RUFY3: variants seen among roughly 807,000 people sequenced by gnomAD.
RUFY3 encodes the protein protein RUFY3.
Under a neutral mutation model 84.0 loss-of-function variants are expected in RUFY3, and 34 were observed. The observed-to-expected ratio is 0.40, with a 90% confidence interval of 0.31 to 0.54. The LOEUF (loss-of-function observed/expected upper bound fraction) is 0.54, where lower values mean the gene tolerates loss of function less well. Among genes scored for constraint, RUFY3 ranks in the 20% least tolerant of loss-of-function variants. The probability of loss-of-function intolerance (pLI) is 0.39; values close to 1 mark genes in which losing one functional copy is unlikely to be tolerated. For missense variants in RUFY3, 507 were observed against 736.8 expected (o/e 0.69, Z 3.61); for synonymous variants, 242 against 252.9 (o/e 0.96, Z 0.41).
Position 70,744,839 on chromosome 4 carries a change from G to A in RUFY3, c.179-17680G>A, listed in dbSNP as rs190715999. ...CTGGCTAATTTTTGCATTTTTAGTA[G>A]AGACAGGGTCTCACCATGTTGGCTA... On this transcript the variant is annotated intron_variant, in intron 1 of 17. Transcript: ENST00000381006. Among the ~76,000 whole-genome samples the A allele has an allele frequency of 7.3e-5, 11 of 151,558 alleles. 1 individual carries two copies. Among genetic ancestry groups the A allele is most frequent in the African/African-American group, 2.7e-4 (11 of 41,280 alleles).
chr4:70,744,491 G>A (rs1387208350), intron 1 of RUFY3, among the ~76,000 whole-genome samples: 4 of 151,866 alleles, frequency 2.6e-5, no homozygotes, highest in East Asian at 1.9e-4. Flanking sequence ...TTGAGCCACC[G>A]AACCCGGCTA....
At chr4:70,705,276 AGCGGCAGCG>A (rs1385357433) in exon 1 of RUFY3, 2 of 1,429,714 alleles carry the variant, frequency 1.4e-6, no homozygotes, top group Non-Finnish European at 1.8e-6. Flanking sequence ...CGGCGGCAGC[AGCGGCAGCG>A]GCAAGCACCG....
At chr4:70,775,315 A>G in intron 7 of RUFY3, 82 bp downstream of exon 7, 2 of 919,598 alleles carry the variant, frequency 2.2e-6, no homozygotes, top group Non-Finnish European at 3.4e-6. Context: ...AGTGAGGATA[A>G]ATTCAGACAG....
chr4:70,744,356 TTTTA>T (rs994119692), intron 1 of RUFY3, among the ~76,000 whole-genome samples: 1 of 134,888 alleles, frequency 7.4e-6, no homozygotes, highest in African/African-American at 3.5e-5. Context: ...CCTGGCTAAT[TTTTA>T]TGTATGTATG....
chr4:70,715,380 T>C (rs1207903134), intron 1 of RUFY3, among the ~76,000 whole-genome samples: 1 of 151,722 alleles, frequency 6.6e-6, no homozygotes, highest in East Asian at 2.0e-4. Context: ...GGTCAGGAGT[T>C]CAAGACCAGG....
intron 12 of RUFY3, chr4:70,791,662 T>A: frequency 9.7e-7 from 1 of 1,031,988 alleles, no homozygotes; most frequent in Non-Finnish European, 1.2e-6. Flanking sequence ...TAATACCAGA[T>A]TCTCGGTGCA....
intron 15 of RUFY3, 70 bp from the exon 16 acceptor site, chr4:70,802,886 T>A: frequency 8.9e-7 from 1 of 1,129,402 alleles, no homozygotes; most frequent in South Asian, 1.4e-5. Flanking sequence ...TCTGAGCTTT[T>A]TATTGAAATG....
At chr4:70,773,003 T>G (rs1277700626) in intron 5 of RUFY3, among the ~76,000 whole-genome samples, 1 of 152,154 alleles carries the variant, frequency 6.6e-6, no homozygotes, top group Admixed American at 6.5e-5. Context: ...AATAATAAAA[T>G]GGCAATCTTG....
intron 4 of RUFY3, among the ~76,000 whole-genome samples, chr4:70,766,814 T>C (rs1578141251): frequency 6.6e-6 from 1 of 152,206 alleles, no homozygotes; most frequent in Non-Finnish European, 1.5e-5. Context: ...TATAATGATA[T>C]GTATCCATAT....
chr4:70,708,997 G>A (rs1191531442), intron 1 of RUFY3, among the ~76,000 whole-genome samples: 1 of 152,246 alleles, frequency 6.6e-6, no homozygotes, highest in African/African-American at 2.4e-5. Flanking sequence ...AGTTGAGGAT[G>A]CAGTGAGTCG....
At chr4:70,764,424 T>G in intron 3 of RUFY3, 51 bp from the exon 4 acceptor site, 6 of 1,259,004 alleles carry the variant, frequency 4.8e-6, no homozygotes, top group Non-Finnish European at 6.9e-6. Flanking sequence ...TACTGTAGCC[T>G]TTGCTTCTGG....
chr4:70,756,509 A>G (rs991410741), intron 1 of RUFY3, among the ~76,000 whole-genome samples: 1 of 151,848 alleles, frequency 6.6e-6, no homozygotes, highest in Non-Finnish European at 1.5e-5. Flanking sequence ...GCATTTTTTC[A>G]GTGTTGTTTT....
Position 70,763,645 on chromosome 4 carries a change from G to C in RUFY3, c.446G>C (p.Ser149Thr). ...CCAGAAGCCGCAGAGATAACAGCAAGTGTTAAAGATCTTCCAGGACTTAAG... is the reference window on the plus strand; with the variant it reads ...CCAGAAGCCGCAGAGATAACAGCAACTGTTAAAGATCTTCCAGGACTTAAG... ...LVPEAAEITA[S>T]VKDLPGLKTP... The change falls in exon 3 of 18, where the codon AGT becomes ACT. Residue 149 changes from serine to threonine, a missense_variant. Physicochemically the swap from Ser to Thr is moderately conservative, Grantham distance 58 (BLOSUM62 1). This residue lies in a region of RUFY3 where 133 missense variants were observed against 301.1 expected (regional missense o/e 0.44). Transcript: ENST00000381006. 1 of 1,611,768 alleles carries C rather than the reference G, an allele frequency of 6.2e-7. No homozygotes were observed.
chr4:70,713,387 C>T (rs1349982012), intron 1 of RUFY3, among the ~76,000 whole-genome samples: 1 of 152,214 alleles, frequency 6.6e-6, no homozygotes, highest in African/African-American at 2.4e-5. Flanking sequence ...GCAATATGGC[C>T]ATGCCCCCTA....
At chr4:70,759,380 G>A (rs1300040070) in intron 1 of RUFY3, among the ~76,000 whole-genome samples, 1 of 151,450 alleles carries the variant, frequency 6.6e-6, no homozygotes, top group Non-Finnish European at 1.5e-5. Context: ...GTATGTGTGT[G>A]TGTGTGTGTG....
intron 1 of RUFY3, among the ~76,000 whole-genome samples, chr4:70,761,219 C>T (rs545723832): frequency 1.3e-5 from 2 of 152,274 alleles, no homozygotes; most frequent in African/African-American, 2.4e-5. Context: ...TTAGCTTTCA[C>T]GTCAGATCCA....
At chr4:70,730,126 G>GT (rs1418213471) in intron 1 of RUFY3, among the ~76,000 whole-genome samples, 4 of 151,750 alleles carry the variant, frequency 2.6e-5, no homozygotes, top group African/African-American at 9.7e-5. Flanking sequence ...GTAGAGACAG[G>GT]TTTTCACCAT....
chr4:70,776,104 T>G (rs937197172), intron 7 of RUFY3, among the ~76,000 whole-genome samples: 2 of 152,324 alleles, frequency 1.3e-5, no homozygotes, highest in South Asian at 2.1e-4. Flanking sequence ...TTCCCCCTTA[T>G]GTGGAGGGGA....
chr4:70,783,912 A>T (rs1232292732), intron 9 of RUFY3, among the ~76,000 whole-genome samples: 2 of 152,076 alleles, frequency 1.3e-5, no homozygotes, highest in Non-Finnish European at 2.9e-5. Flanking sequence ...TATCTTTAGG[A>T]TGATCTCTAC....
Sources: gnomAD v4.1 joint callset for allele counts (sites outside exome capture counted in the v4.1 genomes callset) on GRCh38, gnomAD v4.1.1 for gene constraint, gnomAD v4.1.1 regional missense constraint, MANE v1.5 for transcripts, NCBI Gene and HGNC (gene_info 2026-07-23, HGNC 2026-07-21) for gene names.